RBM26: variants seen among roughly 807,000 people sequenced by gnomAD.
The protein encoded by RBM26 is RNA-binding protein 26.
A neutral mutation model predicts 123.6 loss-of-function variants in RBM26; 30 were observed. That is an observed-to-expected ratio of 0.24 (90% CI 0.18 to 0.33). RBM26 has a LOEUF of 0.33. RBM26 is among the 10% of genes least tolerant of loss of function. RBM26 has a pLI of 1.00. For missense variants in RBM26, 947 were observed against 1,203.6 expected, an observed-to-expected ratio of 0.79 and a Z score of 3.15; for synonymous variants, 400 against 404.4, an observed-to-expected ratio of 0.99 and a Z score of 0.13.
chr13:79,336,198 GTTTTACTAC>G (rs2070361374), intron 19 of RBM26, among the ~76,000 whole-genome samples: 1 of 152,062 alleles, frequency 6.6e-6, no homozygotes. Flanking sequence ...CTAAATTACA[GTTTTACTAC>G]TTTATGAAAC....
At chr13:79,326,441 C>A (rs1301428093) in intron 20 of RBM26, among the ~76,000 whole-genome samples, 1 of 151,874 alleles carries the variant, frequency 6.6e-6, no homozygotes, top group Non-Finnish European at 1.5e-5. Context: ...GAAAGTGGAC[C>A]TAAATGTAAA....
Position 79,354,500 on chromosome 13 carries a change from G to A in RBM26, c.1925C>T (p.Pro642Leu). ...VKQSVKERLG[P>L]VPSSTIEPAE... ...AGGTTCAATAGTACTTGAAGGTACT[G>A]GACCCAGCCGCTCTTTGACTGACTG... The change falls in exon 13 of 22, where the codon CCA becomes CTA. Residue 642 changes from proline (P) to leucine (L), a missense_variant. This residue lies in a region of RBM26 where 493 missense variants were observed against 563.1 expected (regional missense o/e 0.88). Coordinates refer to ENST00000438737, the MANE Select transcript of RBM26 (RefSeq NM_001366735.2). 1 of 1,610,054 alleles carries A rather than the reference G, an allele frequency of 6.2e-7. No homozygotes were observed. Among genetic ancestry groups the A allele is most frequent in the Non-Finnish European group, 8.5e-7 (1 of 1,177,196 alleles).
intron 21 of RBM26, 45 bp from the exon 22 acceptor site, chr13:79,320,755 A>G: frequency 1.4e-6 from 2 of 1,411,848 alleles, no homozygotes; most frequent in Non-Finnish European, 9.5e-7. Context: ...AAAAAAAAAA[A>G]AGAAAAGAAA....
chr13:79,320,510 C>CT lies in RBM26; in HGVS notation c.*110dup. The CT allele has an allele frequency of 7.9e-7, 1 of 1,265,856 alleles. No homozygotes were observed. Among genetic ancestry groups the CT allele is most frequent in the African/African-American group, 1.5e-5 (1 of 64,648 alleles). The allele number at this position is 1,265,856 out of a possible 1,614,324, so 78.4% of individuals were successfully genotyped here. ...TTTTTTGTCTATTTGTGAAATCCAT[C>CT]TTCATCACATTTTACCAAAAATTGT... On this transcript the variant is annotated 3_prime_UTR_variant, in exon 22 of 22. Transcript: ENST00000438737.
At chr13:79,393,558 C>A (rs1158276172) in intron 1 of RBM26, among the ~76,000 whole-genome samples, 2 of 152,172 alleles carry the variant, frequency 1.3e-5, no homozygotes, top group Non-Finnish European at 2.9e-5. Context: ...TGAGTACATT[C>A]CCTACTTGTA....
At chr13:79,404,772 T>G in intron 1 of RBM26, among the ~76,000 whole-genome samples, 1 of 152,214 alleles carries the variant, frequency 6.6e-6, no homozygotes, top group East Asian at 1.9e-4. Context: ...ATAGCCCCCC[T>G]CATAATCACT....
At chr13:79,395,496 T>C (rs564493787) in intron 1 of RBM26, among the ~76,000 whole-genome samples, 3 of 152,134 alleles carry the variant, frequency 2.0e-5, no homozygotes, top group African/African-American at 7.2e-5. Flanking sequence ...TCCCAGCACT[T>C]TGGGAAGCTG....
chr13:79,398,580 A>G (rs2078793224), intron 1 of RBM26, among the ~76,000 whole-genome samples: 1 of 152,220 alleles, frequency 6.6e-6, no homozygotes, highest in Non-Finnish European at 1.5e-5. Context: ...TATAAAATTC[A>G]TCAGGTTAGA....
In RBM26 at chr13:79,344,672, T is replaced by G; in HGVS notation, c.2181A>C (p.Lys727Asn). The G allele has an allele frequency of 1.9e-6, 3 of 1,603,652 alleles. No homozygotes were observed. The highest frequency in any genetic ancestry group is 2.6e-6 in the Non-Finnish European group (3 of 1,174,236). ...AVDNNEAQKK[K>N]QEALKLQQDV... Reference sequence around the variant, plus strand: ...ATACTATACCAGTTGTACTTACCTGTTTTTTTTTCTGTGCTTCATTATTAT... The same window carrying G: ...ATACTATACCAGTTGTACTTACCTGGTTTTTTTTCTGTGCTTCATTATTAT... The change falls in exon 15 of 22, where the codon AAA (lysine) becomes AAC (asparagine). Residue 727 changes from lysine (K) to asparagine (N), a missense_variant. Lys to Asn is a moderately conservative substitution (Grantham distance 94, BLOSUM62 0). Transcript: ENST00000438737.
At chr13:79,356,369 C>CAAAAA (rs72305160) in intron 11 of RBM26, among the ~76,000 whole-genome samples, 4 of 83,478 alleles carry the variant, frequency 4.8e-5, no homozygotes, top group East Asian at 2.9e-4. Flanking sequence ...GACTCTGTCT[C>CAAAAA]AAAAAAAAAA....
chr13:79,402,277 C>T (rs2079114696), intron 1 of RBM26, among the ~76,000 whole-genome samples: 1 of 151,786 alleles, frequency 6.6e-6, no homozygotes, highest in Admixed American at 6.6e-5. Flanking sequence ...TTCAAGATGA[C>T]AATTTTAATA....
Position 79,381,035 on chromosome 13 carries a change from T to C in RBM26, c.72-2128A>G, listed in dbSNP as rs1335524662. ...GTTAGAGTAACTAACAATAAAATAATAGCAGTAGTTAATTACTAACACTTA... is the reference window on the plus strand; with the variant it reads ...GTTAGAGTAACTAACAATAAAATAACAGCAGTAGTTAATTACTAACACTTA... On this transcript the variant is annotated intron_variant, in intron 1 of 21. Coordinates refer to ENST00000438737, the MANE Select transcript of RBM26 (RefSeq NM_001366735.2). Among the ~76,000 whole-genome samples, 6 of 152,146 alleles carry C rather than the reference T, an allele frequency of 3.9e-5. No homozygotes were observed. The South Asian group carries it at 8.3e-4, about 21-fold the overall frequency.
At chr13:79,398,573 A>G (rs2078792319) in intron 1 of RBM26, among the ~76,000 whole-genome samples, 1 of 152,224 alleles carries the variant, frequency 6.6e-6, no homozygotes, top group African/African-American at 2.4e-5. Flanking sequence ...TACCAGCTAT[A>G]AAATTCATCA....
intron 2 of RBM26, among the ~76,000 whole-genome samples, chr13:79,378,545 T>C (rs1365735222): frequency 6.6e-6 from 1 of 152,186 alleles, no homozygotes; most frequent in South Asian, 2.1e-4. Flanking sequence ...GTTCAAGCAA[T>C]TCTCCTGCCT....
At chr13:79,311,867 T>C (rs936800307) in exon 5 of RBM26, 3 of 152,048 alleles carry the variant, frequency 2.0e-5, no homozygotes, top group Non-Finnish European at 4.4e-5. Context: ...TTTCAAAATA[T>C]AAAAATAATA....
chr13:79,384,316 G>T (rs760216561), intron 1 of RBM26, among the ~76,000 whole-genome samples: 1 of 150,918 alleles, frequency 6.6e-6, no homozygotes, highest in African/African-American at 2.4e-5. Flanking sequence ...GCTGGAGGGC[G>T]GTGGTGCAAT....
At chr13:79,363,610 T>C (rs2074953618) in intron 9 of RBM26, among the ~76,000 whole-genome samples, 1 of 152,150 alleles carries the variant, frequency 6.6e-6, no homozygotes, top group Non-Finnish European at 1.5e-5. Context: ...AGAAAAAGCA[T>C]TCAAATTTCT....
At chr13:79,399,754 A>G (rs1379892653) in intron 1 of RBM26, among the ~76,000 whole-genome samples, 1 of 152,170 alleles carries the variant, frequency 6.6e-6, no homozygotes, top group Non-Finnish European at 1.5e-5. Flanking sequence ...TGAGCCCCCT[A>G]CTAAGCAATG....
intron 14 of RBM26, 49 bp from the exon 15 acceptor site, chr13:79,344,843 T>C (rs371907348): frequency 2.5e-6 from 4 of 1,580,616 alleles, no homozygotes; most frequent in African/African-American, 2.7e-5. Context: ...CCGTTCATGA[T>C]ATCCTATTTT....
Sources: gnomAD v4.1 joint callset for allele counts (sites outside exome capture counted in the v4.1 genomes callset) on GRCh38, gnomAD v4.1.1 for gene constraint, gnomAD v4.1.1 regional missense constraint, MANE v1.5 for transcripts, NCBI Gene and HGNC (gene_info 2026-07-23, HGNC 2026-07-21) for gene names.